Variants in NECTIN3 observed in about 807,000 individuals in gnomAD.
The protein encoded by NECTIN3 is nectin-3.
NECTIN3 carries 8 observed loss-of-function variants against 49.4 expected under a neutral mutation model. The observed-to-expected ratio is 0.16, with a 90% confidence interval of 0.10 to 0.29. NECTIN3 has a LOEUF of 0.29. NECTIN3 is among the 10% of genes least tolerant of loss of function. NECTIN3 has a pLI of 1.00. For missense variants in NECTIN3, 581 were observed against 654.6 expected (o/e 0.89, Z 1.23); for synonymous variants, 277 against 241.1 (o/e 1.15, Z -1.38).
At chr3:111,090,838 T>G (rs2032224191) in intron 1 of NECTIN3, among the ~76,000 whole-genome samples, 1 of 150,704 alleles carries the variant, frequency 6.6e-6, no homozygotes, top group Non-Finnish European at 1.5e-5. Context: ...GAAAAGTGAT[T>G]GTGGTTTTTG....
At chr3:111,140,113 C>T (rs999432109), downstream of NECTIN3, among the ~76,000 whole-genome samples, 1 of 151,810 alleles carries the variant, frequency 6.6e-6, no homozygotes, top group African/African-American at 2.4e-5. Context: ...TAAAATGCCA[C>T]CTCTCAAAAA....
chr3:111,159,335 G>A (rs1186473240), intron 7 of NECTIN3, among the ~76,000 whole-genome samples: 1 of 152,102 alleles, frequency 6.6e-6, no homozygotes, highest in East Asian at 1.9e-4. Context: ...GATTTATAAT[G>A]AATATGGTTT....
intron 4 of NECTIN3, among the ~76,000 whole-genome samples, chr3:111,122,994 A>G (rs2034017895): frequency 6.6e-6 from 1 of 151,164 alleles, no homozygotes. Context: ...ATATTTTCAG[A>G]TGGTCTTATT....
chr3:111,072,550 T>G lies in NECTIN3; in HGVS notation c.160+373T>G. The G allele has an allele frequency of 2.6e-6, 4 of 1,535,774 alleles. No homozygotes were observed. The South Asian group carries it at 4.8e-5, about 18-fold the overall frequency. On this transcript the variant is annotated intron_variant, in intron 1 of 5. Coordinates refer to ENST00000485303, the MANE Select transcript of NECTIN3 (RefSeq NM_015480.3). ...CGGGATGCACGTTTGCCGCTTTTTT[T>G]CCCGGTGAAACTTGAGCTGTGAGCC...
chr3:111,118,561 C>G, intron 2 of NECTIN3, 95 bp from the exon 3 acceptor site: 2 of 1,137,550 alleles, frequency 1.8e-6, no homozygotes, highest in Non-Finnish European at 2.4e-6. Context: ...ATGCAGTTGT[C>G]CTTAAGCTTG....
At chr3:111,154,996 G>A (rs531094922) in intron 7 of NECTIN3, among the ~76,000 whole-genome samples, 13 of 152,152 alleles carry the variant, frequency 8.5e-5, no homozygotes, top group African/African-American at 2.6e-4. Context: ...GAGTGCAGTG[G>A]GTGCAATCTT....
intron 7 of NECTIN3, among the ~76,000 whole-genome samples, chr3:111,170,991 C>T (rs971302843): frequency 1.3e-5 from 2 of 152,166 alleles, no homozygotes; most frequent in African/African-American, 4.8e-5. Flanking sequence ...TTGCTGCCTA[C>T]CAACCAAGAG....
intron 7 of NECTIN3, among the ~76,000 whole-genome samples, chr3:111,169,375 CTTTTTTTTT>C (rs59239398): frequency 1.7e-5 from 2 of 114,598 alleles, no homozygotes; most frequent in South Asian, 2.9e-4. Context: ...CAAACGCAAA[CTTTTTTTTT>C]TTTTTTTTTT....
chr3:111,188,124 C>T (rs918014959), upstream of NECTIN3, among the ~76,000 whole-genome samples: 6 of 152,130 alleles, frequency 3.9e-5, no homozygotes, highest in Non-Finnish European at 4.4e-5. Flanking sequence ...TAAAAAGAGA[C>T]GCTAGTTTAT....
chr3:111,116,263 G>A (rs970649756), intron 2 of NECTIN3, among the ~76,000 whole-genome samples: 1 of 152,162 alleles, frequency 6.6e-6, no homozygotes, highest in African/African-American at 2.4e-5. Context: ...AGATATGAAA[G>A]TTTTTAAGAA....
chr3:111,181,150 C>T (rs567208638), intron 7 of NECTIN3, among the ~76,000 whole-genome samples: 1 of 152,310 alleles, frequency 6.6e-6, no homozygotes, highest in East Asian at 1.9e-4. Flanking sequence ...TCTCTGGCAA[C>T]CATTGTTGTG....
chr3:111,081,752 G>T (rs2031619886), intron 1 of NECTIN3, among the ~76,000 whole-genome samples: 1 of 152,166 alleles, frequency 6.6e-6, no homozygotes, highest in African/African-American at 2.4e-5. Context: ...CAGTGAAAAA[G>T]AGGGTGTTCC....
At position 111,134,063 on chromosome 3, in the gene NECTIN3, A is replaced by C. The variant is rs1559800800; in HGVS notation, c.1498A>C (p.Asn500His). ...PEKTQWNNVE[N>H]LNRFERPMDY... ...AAAAACTCAGTGGAACAATGTAGAA[A>C]ATCTCAATAGGTTTGAAAGACCAAT... is the stretch of plus-strand genomic sequence containing the variant. The change falls in exon 6 of 6, where the codon AAT becomes CAT. Residue 500 changes from asparagine (N) to histidine (H), a missense_variant. Physicochemically the swap from Asn to His is moderately conservative, Grantham distance 68. Coordinates refer to ENST00000485303, the MANE Select transcript of NECTIN3 (RefSeq NM_015480.3). 2 of 1,613,660 alleles carry C rather than the reference A, an allele frequency of 1.2e-6. No homozygotes were observed. The highest frequency in any genetic ancestry group is 8.5e-7 in the Non-Finnish European group (1 of 1,179,708).
At chr3:111,142,998 A>T (rs1404387587) in intron 5 of NECTIN3, among the ~76,000 whole-genome samples, 1 of 151,868 alleles carries the variant, frequency 6.6e-6, no homozygotes, top group Non-Finnish European at 1.5e-5. Context: ...CTAGAGATGT[A>T]TGACCTTGGT....
chr3:111,191,538 G>GA (rs909309905), upstream of NECTIN3, among the ~76,000 whole-genome samples: 1 of 149,926 alleles, frequency 6.7e-6, no homozygotes, highest in Admixed American at 6.7e-5. Context: ...GAGGAAAACT[G>GA]AAAAAAATTC....
rs1390734713 is a variant in NECTIN3 at position 111,164,014 on chromosome 3, A to G, written c.1221+16530A>G. ...AAAAGTCAAATAAGAAACAAGAATT[A>G]CTATTTGTGATACCAAAAGGAAACT... On this transcript the variant is annotated intron_variant, in intron 7 of 8. Coordinates refer to the NECTIN3 transcript ENST00000493615. Among the ~76,000 whole-genome samples the G allele has an allele frequency of 4.0e-5, 6 of 151,812 alleles. No homozygotes were observed. In the South Asian group the frequency reaches 6.2e-4, roughly 16 times the overall value.
At chr3:111,126,387 T>C in intron 5 of NECTIN3, 52 bp downstream of exon 5, 1 of 1,446,102 alleles carries the variant, frequency 6.9e-7, no homozygotes, top group Non-Finnish European at 9.5e-7. Flanking sequence ...TTCTGAATAA[T>C]CATAGTAACA....
At chr3:111,175,643 A>G (rs2107529072) in intron 7 of NECTIN3, among the ~76,000 whole-genome samples, 1 of 152,250 alleles carries the variant, frequency 6.6e-6, no homozygotes, top group South Asian at 2.1e-4. Context: ...GTTCTCATAG[A>G]CACAGAACCA....
intron 7 of NECTIN3, among the ~76,000 whole-genome samples, chr3:111,166,274 T>G (rs1332463479): frequency 1.3e-5 from 2 of 152,118 alleles, no homozygotes; most frequent in African/African-American, 2.4e-5. Context: ...GCACGTCACA[T>G]AACTTCAAGG....
Sources: gnomAD v4.1 joint callset for allele counts (sites outside exome capture counted in the v4.1 genomes callset) on GRCh38, gnomAD v4.1.1 for gene constraint, MANE v1.5 for transcripts, NCBI Gene and HGNC (gene_info 2026-07-23, HGNC 2026-07-21) for gene names.